Variants in WWOX observed in about 807,000 individuals in gnomAD.
WWOX encodes WW domain-containing oxidoreductase.
A neutral mutation model predicts 46.2 loss-of-function variants in WWOX; 69 were observed. The ratio of observed to expected loss-of-function variants is 1.49; its 90% confidence interval spans 1.23 to 1.82. WWOX has a LOEUF of 1.82. Among genes scored for constraint, WWOX ranks in the 40% most tolerant of loss-of-function variants. The pLI, the probability that WWOX is intolerant of heterozygous loss-of-function variation, is 0.00. For synonymous variants in WWOX, 359 were observed against 202.6 expected, an observed-to-expected ratio of 1.77 and a Z score of -6.56; for missense variants, 919 against 542.6, an observed-to-expected ratio of 1.69 and a Z score of -6.89.
At chr16:78,190,111 A>G (rs1423790030) in intron 5 of WWOX, among the ~76,000 whole-genome samples, 3 of 152,118 alleles carry the variant, frequency 2.0e-5, no homozygotes, top group Non-Finnish European at 2.9e-5. Flanking sequence ...ATTTGCATGA[A>G]CTGGTTTGGG....
chr16:79,052,045 T>G (rs2048177239), intron 8 of WWOX, among the ~76,000 whole-genome samples: 1 of 147,592 alleles, frequency 6.8e-6, no homozygotes, highest in Non-Finnish European at 1.5e-5. Flanking sequence ...TTAATTTTTT[T>G]TTTTTAATTA....
chr16:78,222,989 G>C (rs1158259597), intron 5 of WWOX, among the ~76,000 whole-genome samples: 4 of 152,178 alleles, frequency 2.6e-5, no homozygotes, highest in Admixed American at 2.6e-4. Context: ...TGCAGGGAGG[G>C]ACGCACTCCC....
chr16:78,228,603 A>G (rs1171930622), intron 5 of WWOX, among the ~76,000 whole-genome samples: 2 of 152,186 alleles, frequency 1.3e-5, no homozygotes, highest in Non-Finnish European at 2.9e-5. Flanking sequence ...TGGCCTCCCA[A>G]AGTGCTGGGA....
At chr16:78,800,698 T>C (rs2142650972) in intron 8 of WWOX, among the ~76,000 whole-genome samples, 1 of 152,304 alleles carries the variant, frequency 6.6e-6, no homozygotes. Context: ...GGTTCCTGAC[T>C]TCAGGCCTCT....
intron 8 of WWOX, among the ~76,000 whole-genome samples, chr16:79,090,914 C>T (rs528584502): frequency 3.9e-5 from 6 of 152,226 alleles, no homozygotes; most frequent in Non-Finnish European, 8.8e-5. Flanking sequence ...CTGCCTCAGC[C>T]TCCCAAGAAG....
chr16:78,462,103 C>T (rs975592811), intron 8 of WWOX, among the ~76,000 whole-genome samples: 3 of 152,318 alleles, frequency 2.0e-5, no homozygotes, highest in Non-Finnish European at 4.4e-5. Flanking sequence ...TAGAATGCTG[C>T]TCTTGAAGGC....
intron 8 of WWOX, among the ~76,000 whole-genome samples, chr16:78,919,696 T>C (rs987271474): frequency 3.3e-5 from 5 of 151,956 alleles, no homozygotes; most frequent in African/African-American, 4.8e-5. Context: ...TTTTGTATTT[T>C]TAGGAGAGAG....
chr16:78,820,903 T>C (rs2051475712), intron 8 of WWOX, among the ~76,000 whole-genome samples: 1 of 152,156 alleles, frequency 6.6e-6, no homozygotes, highest in African/African-American at 2.4e-5. Context: ...CATTCTAATC[T>C]CTACTTCCTC....
At chr16:78,825,376 C>T (rs573702577) in intron 8 of WWOX, 54 of 266,428 alleles carry the variant, frequency 2.0e-4, no homozygotes, top group African/African-American at 7.1e-4. Flanking sequence ...TGGCTAAAGA[C>T]GCTTCTCTGA....
At chr16:78,241,489 C>T (rs567456896) in intron 5 of WWOX, among the ~76,000 whole-genome samples, 45 of 152,112 alleles carry the variant, frequency 3.0e-4, no homozygotes, top group African/African-American at 9.9e-4. Flanking sequence ...AGTGCAGTGG[C>T]GCCATCTCGG....
chr16:78,722,857 A>G (rs1198783979), intron 8 of WWOX, among the ~76,000 whole-genome samples: 1 of 151,928 alleles, frequency 6.6e-6, no homozygotes, highest in African/African-American at 2.4e-5. Context: ...TCTGGGCAAC[A>G]TAATGAAAAC....
intron 6 of WWOX, among the ~76,000 whole-genome samples, chr16:78,412,698 G>T (rs921883117): frequency 6.6e-6 from 1 of 152,150 alleles, no homozygotes; most frequent in African/African-American, 2.4e-5. Context: ...CAGAGAGGAG[G>T]TTGCTGAATT....
intron 5 of WWOX, among the ~76,000 whole-genome samples, chr16:78,196,044 A>G (rs1011063407): frequency 6.6e-6 from 1 of 152,164 alleles, no homozygotes; most frequent in Non-Finnish European, 1.5e-5. Context: ...TCTTTGCCTT[A>G]TCTCGATGAT....
chr16:78,415,888 T>G (rs1186753987), intron 6 of WWOX, among the ~76,000 whole-genome samples: 1 of 152,134 alleles, frequency 6.6e-6, no homozygotes, highest in Non-Finnish European at 1.5e-5. Flanking sequence ...TTGGCTCTAG[T>G]TGAAGGGGTT....
chr16:79,121,382 A>G (rs1475024079), intron 8 of WWOX, among the ~76,000 whole-genome samples: 1 of 152,216 alleles, frequency 6.6e-6, no homozygotes, highest in Non-Finnish European at 1.5e-5. Context: ...TGTGTTTACA[A>G]CAGAATATAT....
intron 5 of WWOX, among the ~76,000 whole-genome samples, chr16:78,178,566 A>G (rs16947231): frequency 0.029 from 4,387 of 152,276 alleles, 203 homozygotes; most frequent in African/African-American, 0.096. Flanking sequence ...GCATAGTGAC[A>G]TTTAAAAATA....
rs112846582 is a variant in WWOX, at chr16:79,164,226, G to A, written c.1057-47382G>A. On this transcript the variant is annotated intron_variant, in intron 8 of 8. Transcript: ENST00000566780. ...TTGGGAGCTACAGCAATTGAGGCTT[G>A]CCAGTGTCTGGATGCCCCACCACTA... 5.1e-3 allele frequency among the ~76,000 whole-genome samples: 782 copies of A among 152,284 alleles called. 4 individuals carry two copies. Among genetic ancestry groups the A allele is most frequent in the South Asian group, 0.012 (57 of 4,822 alleles).
chr16:78,971,319 G>T (rs975901103), intron 8 of WWOX, among the ~76,000 whole-genome samples: 1 of 151,696 alleles, frequency 6.6e-6, no homozygotes, highest in African/African-American at 2.4e-5. Flanking sequence ...CAAAAATTAG[G>T]TGGCAGGCAC....
chr16:78,680,249 A>C (rs1301623651), intron 8 of WWOX, among the ~76,000 whole-genome samples: 2 of 151,996 alleles, frequency 1.3e-5, no homozygotes, highest in African/African-American at 4.8e-5. Context: ...TCTCTGCAGA[A>C]AATACAAAAA....
Sources: allele counts gnomAD v4.1 joint callset (sites outside exome capture counted in the v4.1 genomes callset), GRCh38; gene constraint gnomAD v4.1.1; transcripts MANE v1.5; gene names NCBI Gene and HGNC (gene_info 2026-07-23, HGNC 2026-07-21).